The following NTRK3 variants were observed in gnomAD, a reference collection of about 807,000 sequenced individuals.
NTRK3 encodes neurotrophic receptor tyrosine kinase 3, also known as NT-3 growth factor receptor.
A neutral mutation model predicts 91.7 loss-of-function variants in NTRK3; 24 were observed. That is an observed-to-expected ratio of 0.26 (90% confidence interval 0.19 to 0.37). The LOEUF (loss-of-function observed/expected upper bound fraction) is 0.37. NTRK3 is among the 10% of genes least tolerant of loss of function. The pLI, the probability that NTRK3 is intolerant of heterozygous loss-of-function variation, is 1.00. For synonymous variants in NTRK3, 483 were observed against 404.0 expected, an observed-to-expected ratio of 1.20 and a Z score of -2.34; for missense variants, 880 against 1,068.9, an observed-to-expected ratio of 0.82 and a Z score of 2.46.
intron 17 of NTRK3, among the ~76,000 whole-genome samples, chr15:87,895,844 T>C (rs113422506): frequency 0.011 from 1,733 of 151,942 alleles, 37 homozygotes; most frequent in African/African-American, 0.04. Flanking sequence ...CTTTAAGTTT[T>C]AGGGTACATG....
exon 7 of NTRK3, chr15:88,137,554 C>G: frequency 6.2e-7 from 1 of 1,613,894 alleles, no homozygotes; most frequent in East Asian, 2.2e-5. Flanking sequence ...AAGTTCTGCT[C>G]CAACTGCCTG....
intron 3 of NTRK3, among the ~76,000 whole-genome samples, chr15:88,239,935 G>A (rs1209525162): frequency 6.6e-6 from 1 of 152,150 alleles, no homozygotes; most frequent in African/African-American, 2.4e-5. Flanking sequence ...AAACTCTGGG[G>A]TGGGGCCCAG....
intron 13 of NTRK3, among the ~76,000 whole-genome samples, chr15:88,113,133 G>A (rs2051610746): frequency 6.6e-6 from 1 of 152,102 alleles, no homozygotes; most frequent in South Asian, 2.1e-4. Context: ...TAATCACTTT[G>A]TTCTTTCAAT....
At chr15:87,949,877 G>A (rs950307355) in intron 14 of NTRK3, among the ~76,000 whole-genome samples, 6 of 152,220 alleles carry the variant, frequency 3.9e-5, no homozygotes, top group Non-Finnish European at 8.8e-5. Context: ...GGTGCTGAAA[G>A]ATGAATCTCA....
At chr15:88,075,402 A>G (rs1285715333) in intron 13 of NTRK3, among the ~76,000 whole-genome samples, 1 of 152,176 alleles carries the variant, frequency 6.6e-6, no homozygotes, top group Admixed American at 6.5e-5. Flanking sequence ...AGATGTTTTA[A>G]TTACCCAAAT....
rs572806208 is a variant in NTRK3 at position 88,151,350 on chromosome 15, G to A, written c.396-3947C>T. 8.5e-5 allele frequency among the ~76,000 whole-genome samples: 13 copies of A among 152,238 alleles called. No individual in the cohort carries two copies. In the South Asian group the frequency reaches 2.3e-3, roughly 27 times the overall value. Reference sequence around the variant, plus strand: ...GGCTACTGGGTGCTCCGGGAACAAGGAGCCAGACACACAGATGGCTGAACC... The same window carrying A: ...GGCTACTGGGTGCTCCGGGAACAAGAAGCCAGACACACAGATGGCTGAACC... On this transcript the variant is annotated intron_variant, in intron 5 of 18. Transcript: ENST00000394480.
chr15:88,212,169 C>T (rs552741720), intron 3 of NTRK3, among the ~76,000 whole-genome samples: 66 of 152,230 alleles, frequency 4.3e-4, no homozygotes, highest in African/African-American at 1.6e-3. Flanking sequence ...GAGATCGAGA[C>T]CATCCTGGCT....
intron 12 of NTRK3, 28 bp downstream of exon 12, chr15:88,127,134 C>G (rs1046233470): frequency 6.3e-7 from 1 of 1,594,190 alleles, no homozygotes; most frequent in African/African-American, 1.3e-5. Flanking sequence ...CCAGTCAACA[C>G]ACTCCTCTTG....
intron 17 of NTRK3, among the ~76,000 whole-genome samples, chr15:87,923,946 C>T (rs999069469): frequency 1.3e-5 from 2 of 152,118 alleles, no homozygotes; most frequent in South Asian, 2.1e-4. Context: ...TGAGGCCCCT[C>T]GATCTTGAAC....
chr15:88,153,613 T>C (rs973663819), intron 5 of NTRK3, among the ~76,000 whole-genome samples: 3 of 152,122 alleles, frequency 2.0e-5, no homozygotes, highest in African/African-American at 7.2e-5. Context: ...CCATTCATGG[T>C]GCTATAACAA....
chr15:88,230,706 G>A (rs531772515), intron 3 of NTRK3, among the ~76,000 whole-genome samples: 1 of 152,324 alleles, frequency 6.6e-6, no homozygotes, highest in Admixed American at 6.5e-5. Flanking sequence ...GGTGAGAAGA[G>A]TGGGGATGGG....
intron 13 of NTRK3, among the ~76,000 whole-genome samples, chr15:88,033,969 G>C (rs1190685149): frequency 6.6e-6 from 1 of 152,082 alleles, no homozygotes; most frequent in Non-Finnish European, 1.5e-5. Flanking sequence ...ATTGGTCTGG[G>C]GGTGCAAGCT....
intron 13 of NTRK3, chr15:88,098,483 G>A (rs1224501501): frequency 2.4e-5 from 5 of 209,788 alleles, no homozygotes; most frequent in Non-Finnish European, 3.9e-5. Flanking sequence ...ACATTAAGGC[G>A]CTTGGACAAG....
chr15:88,114,428 A>AC (rs2051806863), intron 13 of NTRK3, among the ~76,000 whole-genome samples: 2 of 152,002 alleles, frequency 1.3e-5, no homozygotes, highest in African/African-American at 4.8e-5. Context: ...TACAACAACA[A>AC]AAAAAAATGG....
intron 10 of NTRK3, among the ~76,000 whole-genome samples, chr15:88,130,475 A>G (rs554917032): frequency 2.0e-5 from 3 of 152,292 alleles, no homozygotes; most frequent in African/African-American, 7.2e-5. Context: ...ACAAAGGGGA[A>G]AATCATCTGT....
intron 13 of NTRK3, among the ~76,000 whole-genome samples, chr15:88,063,232 A>C (rs1428373143): frequency 6.6e-6 from 1 of 152,250 alleles, no homozygotes; most frequent in Non-Finnish European, 1.5e-5. Context: ...AGTGATGTCA[A>C]CAATGACGAT....
At chr15:88,119,799 G>T (rs112645407) in intron 13 of NTRK3, among the ~76,000 whole-genome samples, 1 of 152,164 alleles carries the variant, frequency 6.6e-6, no homozygotes, top group South Asian at 2.1e-4. Context: ...CTTGGTTCCC[G>T]ACCCCCTGCT....
intron 14 of NTRK3, among the ~76,000 whole-genome samples, chr15:87,950,933 A>G (rs1202414202): frequency 1.3e-5 from 2 of 152,240 alleles, no homozygotes; most frequent in South Asian, 2.1e-4. Context: ...TAGGTGCTCA[A>G]TAGGCCTTAA....
intron 3 of NTRK3, among the ~76,000 whole-genome samples, chr15:88,190,634 T>G (rs2047311315): frequency 6.6e-6 from 1 of 152,228 alleles, no homozygotes; most frequent in African/African-American, 2.4e-5. Context: ...CCAAATGTGC[T>G]GTGCCCAGTA....
Sources: allele counts gnomAD v4.1 joint callset (sites outside exome capture counted in the v4.1 genomes callset), GRCh38; gene constraint gnomAD v4.1.1; transcripts MANE v1.5; gene names NCBI Gene and HGNC (gene_info 2026-07-23, HGNC 2026-07-21).